Variants in MGLL observed in about 807,000 individuals in gnomAD.
MGLL encodes lysophospholipase homolog.
Under a neutral mutation model 29.1 loss-of-function variants are expected in MGLL, and 7 were observed. The observed-to-expected ratio is 0.24, with a 90% CI of 0.14 to 0.45. The LOEUF (loss-of-function observed/expected upper bound fraction) is 0.45, where lower values mean the gene tolerates loss of function less well. MGLL is among the 20% of genes least tolerant of loss of function. MGLL has a pLI of 0.99. For synonymous variants in MGLL, 148 were observed against 168.3 expected, an observed-to-expected ratio of 0.88 and a Z score of 0.93; for missense variants, 356 against 413.6, an observed-to-expected ratio of 0.86 and a Z score of 1.21.
At chr3:127,751,467 A>G (rs1161051039) in intron 3 of MGLL, among the ~76,000 whole-genome samples, 2 of 151,594 alleles carry the variant, frequency 1.3e-5, no homozygotes, top group Non-Finnish European at 2.9e-5. Flanking sequence ...GTGATCAGAG[A>G]CACATCCTAG....
At chr3:127,760,934 T>G (rs182036559) in intron 3 of MGLL, among the ~76,000 whole-genome samples, 2 of 152,236 alleles carry the variant, frequency 1.3e-5, no homozygotes, top group South Asian at 4.1e-4. Context: ...AAAAAATTAT[T>G]AGCACAGAAG....
At chr3:127,763,632 C>A (rs551105950) in intron 3 of MGLL, among the ~76,000 whole-genome samples, 6 of 152,318 alleles carry the variant, frequency 3.9e-5, no homozygotes, top group Non-Finnish European at 8.8e-5. Flanking sequence ...GCCAATCCAG[C>A]CCCTGACCTG....
At chr3:127,802,086 T>C (rs1050485375) in intron 2 of MGLL, among the ~76,000 whole-genome samples, 8 of 152,154 alleles carry the variant, frequency 5.3e-5, no homozygotes, top group African/African-American at 1.9e-4. Flanking sequence ...CCCAGAATAA[T>C]TAGCAGATGA....
rs760741626 is a variant in MGLL at position 127,802,986 on chromosome 3, C to CT, written c.155+18707dup. On this transcript the variant is annotated intron_variant, in intron 2 of 7. Coordinates refer to ENST00000265052, the MANE Select transcript of MGLL (RefSeq NM_007283.7). Reference sequence around the variant, plus strand: ...AGCCTGAGTCTCTCTCTCTCTCTCTCTTTTTTTTTTTTAGACAGAGTCTTG... The same window carrying CT: ...AGCCTGAGTCTCTCTCTCTCTCTCTCTTTTTTTTTTTTTAGACAGAGTCTTG... Among the ~76,000 whole-genome samples the CT allele has an allele frequency of 2.0e-3, 289 of 141,896 alleles. 1 individual carries two copies. Among genetic ancestry groups the CT allele is most frequent in the African/African-American group, 4.7e-3 (174 of 36,776 alleles). The allele number at this position is 141,896 out of a possible 152,430, so 93.1% of individuals were successfully genotyped here. A position where few individuals can be genotyped will look rare whatever the true frequency, so the allele number is the denominator to read the frequency against.
At chr3:127,822,591 A>C (rs930784428), upstream of MGLL, 34 of 502,470 alleles carry the variant, frequency 6.8e-5, no homozygotes, top group Non-Finnish European at 1.1e-4. Context: ...CACTTTTCCT[A>C]AACAAATCGC....
intron 2 of MGLL, among the ~76,000 whole-genome samples, chr3:127,803,962 G>A (rs538327582): frequency 2.0e-5 from 3 of 152,200 alleles, no homozygotes; most frequent in South Asian, 2.1e-4. Flanking sequence ...ATACACTGTC[G>A]CCTTGTTTTC....
At chr3:127,781,448 C>T (rs3773161) in intron 3 of MGLL, among the ~76,000 whole-genome samples, 141,105 of 152,012 alleles carry the variant, frequency 0.93, 65,779 homozygotes, top group Non-Finnish European at 0.97. Context: ...CTACACAATG[C>T]CCATTTGAGG....
At chr3:127,696,629 G>A (rs2075372419) in intron 6 of MGLL, among the ~76,000 whole-genome samples, 1 of 151,834 alleles carries the variant, frequency 6.6e-6, no homozygotes, top group African/African-American at 2.4e-5. Context: ...GGTCAGGCTG[G>A]TCTCAAACTC....
chr3:127,747,824 C>T (rs1050603845), intron 3 of MGLL, among the ~76,000 whole-genome samples: 5 of 152,148 alleles, frequency 3.3e-5, no homozygotes, highest in African/African-American at 1.2e-4. Flanking sequence ...CTTCTCCTTC[C>T]ACACCTGTGG....
rs141210638 is a variant in MGLL, at chr3:127,767,666, T to C, written c.262+14123A>G. ...GAGTGTAAAATGTTCTCAAAGAAATTTTGAAGCAAGTTTAACTCTAGAAAC... is the reference window on the plus strand; with the variant it reads ...GAGTGTAAAATGTTCTCAAAGAAATCTTGAAGCAAGTTTAACTCTAGAAAC... On this transcript the variant is annotated intron_variant, in intron 3 of 7. Coordinates refer to ENST00000265052, the MANE Select transcript of MGLL (RefSeq NM_007283.7). 2.0e-3 allele frequency among the ~76,000 whole-genome samples: 307 copies of C among 152,330 alleles called. 2 individuals carry two copies. Among genetic ancestry groups the C allele is most frequent in the African/African-American group, 7.0e-3 (293 of 41,588 alleles).
intron 2 of MGLL, among the ~76,000 whole-genome samples, chr3:127,805,755 T>C (rs2107743019): frequency 6.6e-6 from 1 of 152,306 alleles, no homozygotes; most frequent in South Asian, 2.1e-4. Flanking sequence ...TAGCTGACAC[T>C]GTCTATGGCA....
chr3:127,787,868 G>T (rs2077240174), intron 2 of MGLL, among the ~76,000 whole-genome samples: 2 of 152,252 alleles, frequency 1.3e-5, no homozygotes, highest in Non-Finnish European at 2.9e-5. Context: ...CTGCGTGTGG[G>T]CTTGTGAGAG....
intron 6 of MGLL, among the ~76,000 whole-genome samples, chr3:127,705,209 T>C (rs1031702134): frequency 6.9e-6 from 1 of 145,378 alleles, no homozygotes; most frequent in African/African-American, 2.6e-5. Flanking sequence ...CAATACACAC[T>C]GGGGCCTGTC....
At chr3:127,806,122 G>T (rs776380542) in intron 2 of MGLL, among the ~76,000 whole-genome samples, 1 of 152,198 alleles carries the variant, frequency 6.6e-6, no homozygotes, top group Non-Finnish European at 1.5e-5. Context: ...GCCAGGTGGG[G>T]CATGAGCATG....
At chr3:127,787,452 T>C (rs929259408) in intron 2 of MGLL, among the ~76,000 whole-genome samples, 1 of 152,234 alleles carries the variant, frequency 6.6e-6, no homozygotes, top group Non-Finnish European at 1.5e-5. Flanking sequence ...GCCTCCTTCC[T>C]GCCTGCCCTT....
At position 127,716,525 on chromosome 3, in the gene MGLL, G is replaced by C. The variant is rs116213704; in HGVS notation, c.510+4528C>G. Among the ~76,000 whole-genome samples, 1,008 of 152,384 alleles carry C rather than the reference G, an allele frequency of 6.6e-3. 15 individuals carry two copies. Among genetic ancestry groups the C allele is most frequent in the African/African-American group, 0.023 (971 of 41,586 alleles). ...ACAGTCATCCACAAATAGGGCAACTGTCCCACAGCTGAAGTCAACATCTTG... is the reference window on the plus strand; with the variant it reads ...ACAGTCATCCACAAATAGGGCAACTCTCCCACAGCTGAAGTCAACATCTTG... On this transcript the variant is annotated intron_variant, in intron 5 of 7. Coordinates refer to ENST00000265052, the MANE Select transcript of MGLL (RefSeq NM_007283.7).
chr3:127,767,691 C>A (rs150199849), intron 3 of MGLL, among the ~76,000 whole-genome samples: 1 of 152,326 alleles, frequency 6.6e-6, no homozygotes, highest in South Asian at 2.1e-4. Flanking sequence ...ACTCTAGAAA[C>A]GGAACAGCAA....
chr3:127,781,839 A>C lies in MGLL; in HGVS notation c.212T>G (p.Leu71Arg), dbSNP rs1202713823. The stretch of plus-strand genomic sequence containing the variant: ...GTCCAGCCCCATCAGCATCCGAGCC[A>C]GCTCTTCATAGCGGCCACTGTGCTC... The part of the protein sequence containing the change: ...AGEHSGRYEE[L>R]ARMLMGLDLL... Residue 71 changes from leucine to arginine, a missense_variant, in exon 3 of 8, where the codon CTG (leucine) becomes CGG (arginine). Transcript: ENST00000265052. The C allele has an allele frequency of 1.2e-6, 2 of 1,614,022 alleles. No homozygotes were observed. The highest frequency in any genetic ancestry group is 1.7e-6 in the Non-Finnish European group (2 of 1,180,022).
chr3:127,764,984 A>G (rs2076831168), intron 3 of MGLL, among the ~76,000 whole-genome samples: 1 of 152,222 alleles, frequency 6.6e-6, no homozygotes, highest in African/African-American at 2.4e-5. Context: ...CCAGAGTCAC[A>G]TAGCAAATAA....
Sources: gnomAD v4.1 joint callset for allele counts (sites outside exome capture counted in the v4.1 genomes callset) on GRCh38, gnomAD v4.1.1 for gene constraint, MANE v1.5 for transcripts, NCBI Gene and HGNC (gene_info 2026-07-23, HGNC 2026-07-21) for gene names.